The following EML6 variants were observed in gnomAD, a reference collection of about 807,000 sequenced individuals.
EML6 encodes the protein EMAP like 6, also known as echinoderm microtubule-associated protein-like 6.
EML6 carries 154 observed loss-of-function variants against 240.1 expected under a neutral mutation model. That is an observed-to-expected ratio of 0.64 (90% CI 0.56 to 0.73). The LOEUF (loss-of-function observed/expected upper bound fraction) is 0.73, where lower values mean the gene tolerates loss of function less well. EML6 is among the 30% of genes least tolerant of loss of function. The probability of loss-of-function intolerance (pLI) is 0.00; values close to 1 mark genes in which losing one functional copy is unlikely to be tolerated. For missense variants in EML6, 2,964 were observed against 2,474.6 expected (o/e 1.20, Z -4.20); for synonymous variants, 1,148 against 899.0 (o/e 1.28, Z -4.95).
intron 28 of EML6, among the ~76,000 whole-genome samples, chr2:54,931,883 G>C (rs372880015): frequency 1.3e-5 from 2 of 152,152 alleles, no homozygotes; most frequent in African/African-American, 4.8e-5. Context: ...AGCACCTGTC[G>C]TACTGAGAAA....
Position 54,970,703 on chromosome 2 carries a change from G to C in EML6, c.*608G>C, listed in dbSNP as rs756386117. 4 of 153,060 alleles carry C rather than the reference G, an allele frequency of 2.6e-5. No individual in the cohort carries two copies. The highest frequency in any genetic ancestry group is 5.8e-5 in the Non-Finnish European group (4 of 68,640). 9.5% of individuals were successfully genotyped at this position (153,060 alleles called of 1,614,324 possible). A position where few individuals can be genotyped will look rare whatever the true frequency, so the allele number is the denominator to read the frequency against. ...TAAGTGCCTTTGAAAGTTTCCAGTT[G>C]TGTGGGCTGCTGTCTCACCTCCCAC... is the stretch of plus-strand genomic sequence containing the variant. On this transcript the variant is annotated 3_prime_UTR_variant, in exon 42 of 42. Transcript: ENST00000356458.
chr2:54,931,043 C>T (rs1162882253), intron 28 of EML6, among the ~76,000 whole-genome samples: 2 of 149,388 alleles, frequency 1.3e-5, no homozygotes, highest in Non-Finnish European at 3.0e-5. Context: ...CTGCAAGCTC[C>T]GCCTCCCGGG....
At chr2:54,968,811 C>T (rs1299348180) in intron 41 of EML6, 43 bp downstream of exon 41, 1 of 1,092,336 alleles carries the variant, frequency 9.2e-7, no homozygotes, top group Non-Finnish European at 1.4e-6. Context: ...CAGGCCTGGC[C>T]AGCTCTCCCT....
intron 2 of EML6, among the ~76,000 whole-genome samples, chr2:54,810,402 C>A (rs558405618): frequency 2.6e-5 from 4 of 152,210 alleles, no homozygotes; most frequent in Non-Finnish European, 5.9e-5. Flanking sequence ...TTATTCCATT[C>A]CCCCCAACCC....
At chr2:54,834,575 G>C (rs1477500550) in intron 7 of EML6, among the ~76,000 whole-genome samples, 2 of 152,194 alleles carry the variant, frequency 1.3e-5, no homozygotes, top group Non-Finnish European at 2.9e-5. Context: ...GTCCTGAAAA[G>C]TATACTTCAG....
At chr2:54,939,912 C>A (rs1197675130) in intron 28 of EML6, among the ~76,000 whole-genome samples, 1 of 152,194 alleles carries the variant, frequency 6.6e-6, no homozygotes, top group Non-Finnish European at 1.5e-5. Flanking sequence ...AGCGGCCCGG[C>A]ACAAGCAAAC....
intron 17 of EML6, among the ~76,000 whole-genome samples, chr2:54,890,804 T>C (rs896703653): frequency 2.6e-5 from 4 of 152,214 alleles, no homozygotes; most frequent in Non-Finnish European, 4.4e-5. Flanking sequence ...TTTAAATATT[T>C]CATTACTTTG....
intron 9 of EML6, 147 bp downstream of exon 9, chr2:54,847,770 T>A: frequency 1.1e-6 from 1 of 915,724 alleles, no homozygotes. Flanking sequence ...CCCCTATCTG[T>A]AATTCTGAAG....
intron 2 of EML6, among the ~76,000 whole-genome samples, chr2:54,740,437 G>A (rs530565974): frequency 1.3e-5 from 2 of 152,198 alleles, no homozygotes; most frequent in East Asian, 1.9e-4. Context: ...TCTGGAAAAC[G>A]GCCCAGTGGA....
At chr2:54,965,040 TG>T (rs1676687445) in intron 38 of EML6, among the ~76,000 whole-genome samples, 1 of 152,246 alleles carries the variant, frequency 6.6e-6, no homozygotes, top group Non-Finnish European at 1.5e-5. Context: ...TCTAGTTTTC[TG>T]GGGCTACACC....
At chr2:54,812,023 GT>G (rs1667872330) in intron 2 of EML6, among the ~76,000 whole-genome samples, 3 of 152,272 alleles carry the variant, frequency 2.0e-5, no homozygotes, top group South Asian at 2.1e-4. Context: ...TACATATGTT[GT>G]TTTTGGAAGC....
At position 54,895,329 on chromosome 2, in the gene EML6, A is replaced by G; in HGVS notation, c.2911A>G (p.Ile971Val). The change falls in exon 21 of 42, where the codon ATC becomes GTC. Residue 971 changes from isoleucine (I) to valine (V), a missense_variant. Coordinates refer to ENST00000356458, the MANE Select transcript of EML6 (RefSeq NM_001039753.4). ...TGCCATCACTTTGGGACATGGACAT[A>G]TCCTGGTGGGAACAAAAAATGGAGA... ...IRAITLGHGHILVGTKNGEIL... is the reference protein window; with the variant it reads ...IRAITLGHGHVLVGTKNGEIL... The G allele has an allele frequency of 6.4e-7, 1 of 1,551,942 alleles. No homozygotes were observed. Among genetic ancestry groups the G allele is most frequent in the Non-Finnish European group, 8.7e-7 (1 of 1,146,952 alleles).
chr2:54,849,593 A>T (rs1025045233), intron 9 of EML6, among the ~76,000 whole-genome samples: 1 of 152,156 alleles, frequency 6.6e-6, no homozygotes, highest in Non-Finnish European at 1.5e-5. Flanking sequence ...GGTTCACGCC[A>T]TTCTCCTGCC....
intron 28 of EML6, among the ~76,000 whole-genome samples, chr2:54,929,961 T>G (rs1674765814): frequency 6.6e-6 from 1 of 152,110 alleles, no homozygotes; most frequent in Non-Finnish European, 1.5e-5. Context: ...AGAAAATAAT[T>G]TTTAAAAGTC....
At chr2:54,842,554 C>T (rs1318158631) in intron 7 of EML6, among the ~76,000 whole-genome samples, 4 of 152,148 alleles carry the variant, frequency 2.6e-5, no homozygotes, top group African/African-American at 7.2e-5. Context: ...GCCAAGTCCT[C>T]GAACGTCTGA....
chr2:54,930,334 C>G (rs1311937009), intron 28 of EML6, among the ~76,000 whole-genome samples: 2 of 152,212 alleles, frequency 1.3e-5, no homozygotes, highest in Non-Finnish European at 2.9e-5. Flanking sequence ...GTCTCATTGC[C>G]TCTTTGGGCA....
intron 2 of EML6, among the ~76,000 whole-genome samples, chr2:54,807,947 G>T (rs1013804094): frequency 6.6e-6 from 1 of 152,176 alleles, no homozygotes; most frequent in African/African-American, 2.4e-5. Context: ...ATAGCATACA[G>T]TTATGGCAAG....
At chr2:54,961,605 G>A (rs1676519087) in intron 35 of EML6, among the ~76,000 whole-genome samples, 1 of 152,122 alleles carries the variant, frequency 6.6e-6, no homozygotes. Flanking sequence ...GAGGCTGGGT[G>A]ATGGAGGAGT....
intron 2 of EML6, among the ~76,000 whole-genome samples, chr2:54,742,230 CCA>C (rs1469350678): frequency 6.6e-6 from 1 of 152,172 alleles, no homozygotes; most frequent in Non-Finnish European, 1.5e-5. Context: ...GACCCTACCC[CCA>C]CCTTTTTGCC....
Sources: allele counts gnomAD v4.1 joint callset (sites outside exome capture counted in the v4.1 genomes callset), GRCh38; gene constraint gnomAD v4.1.1; transcripts MANE v1.5; gene names NCBI Gene and HGNC (gene_info 2026-07-23, HGNC 2026-07-21).